The following SRR variants were observed in gnomAD, a reference collection of about 807,000 sequenced individuals.
The protein encoded by SRR is serine racemase.
SRR carries 19 observed loss-of-function variants against 32.7 expected under a neutral mutation model. That is an observed-to-expected ratio of 0.58 (90% CI 0.40 to 0.85). The LOEUF is 0.85. SRR is among the 40% of genes least tolerant of loss of function. The pLI, the probability that SRR is intolerant of heterozygous loss-of-function variation, is 0.00. For synonymous variants in SRR, 142 were observed against 140.9 expected (o/e 1.01, Z -0.06); for missense variants, 373 against 404.7 (o/e 0.92, Z 0.67).
intron 1 of SRR, among the ~76,000 whole-genome samples, chr17:2,310,295 G>A (rs1429423046): frequency 6.6e-6 from 1 of 152,102 alleles, no homozygotes; most frequent in Non-Finnish European, 1.5e-5. Context: ...GTAGATCATA[G>A]GATGATTCTA....
At chr17:2,308,878 G>T (rs1386929403) in intron 1 of SRR, among the ~76,000 whole-genome samples, 2 of 152,044 alleles carry the variant, frequency 1.3e-5, no homozygotes, top group Non-Finnish European at 2.9e-5. Flanking sequence ...CAGCACTTTG[G>T]GAGGCTGAGG....
At position 2,318,892 on chromosome 17, in the gene SRR, A is replaced by G. The variant is rs1442144334; in HGVS notation, c.362A>G (p.Tyr121Cys). Residue 121 changes from tyrosine to cysteine, a missense_variant, in exon 4 of 8, where the codon TAC becomes TGC. Tyr to Cys is a radical substitution (Grantham distance 194). Transcript: ENST00000344595. ...PDCKKLAIQA[Y>C]GASIVYCEPS... The stretch of plus-strand genomic sequence containing the variant: ...TGTAAAAAACTTGCAATACAAGCCT[A>G]CGGAGCGTCAATTGTATACTGTGAA... The G allele has an allele frequency of 6.2e-7, 1 of 1,613,882 alleles. No individual in the cohort carries two copies. Among genetic ancestry groups the G allele is most frequent in the South Asian group, 1.1e-5 (1 of 91,086 alleles).
chr17:2,324,969 C>G lies in SRR; in HGVS notation c.*1096C>G. 1.1e-6 allele frequency: 1 copy of G among 929,620 alleles called. No individual in the cohort carries two copies. Among genetic ancestry groups the G allele is most frequent in the East Asian group, 2.6e-5 (1 of 37,766 alleles). 57.6% of individuals were successfully genotyped at this position (929,620 alleles called of 1,614,324 possible). A position where few individuals can be genotyped will look rare whatever the true frequency, so the allele number is the denominator to read the frequency against. The stretch of plus-strand genomic sequence containing the variant: ...CCAATCTGAGGCTAAGATTGGTAAA[C>G]TGTAAGCCCACACTTAACCTTGTCA... On this transcript the variant is annotated 3_prime_UTR_variant, in exon 8 of 8. Transcript: ENST00000344595.
chr17:2,321,305 G>T lies in SRR; in HGVS notation c.400-1G>T. On this transcript the variant is annotated splice_acceptor_variant, in intron 4 of 7. Coordinates refer to ENST00000344595, the MANE Select transcript of SRR (RefSeq NM_021947.3). LOFTEE classifies it high-confidence loss of function. The stretch of plus-strand genomic sequence containing the variant: ...ATTAAGCTAAATTAATGTACTTTCA[G>T]TCCAGAGAAAATGTTGCAAAAAGAG... The T allele has an allele frequency of 6.2e-7, 1 of 1,613,518 alleles. No individual in the cohort carries two copies. The highest frequency in any genetic ancestry group is 8.5e-7 in the Non-Finnish European group (1 of 1,179,890).
chr17:2,307,422 T>C (rs577872755), intron 1 of SRR: 80 of 1,273,596 alleles, frequency 6.3e-5, no homozygotes, highest in South Asian at 2.3e-4. Context: ...GTGAAGGAAA[T>C]TTCAGTGGTC....
intron 6 of SRR, among the ~76,000 whole-genome samples, chr17:2,322,047 T>C (rs924331245): frequency 6.6e-6 from 1 of 152,084 alleles, no homozygotes; most frequent in Non-Finnish European, 1.5e-5. Context: ...TCCCAAAGTG[T>C]TGGGATTACA....
At chr17:2,303,444 G>T, upstream of SRR, 13 of 1,303,888 alleles carry the variant, frequency 1.0e-5, no homozygotes, top group Non-Finnish European at 1.2e-5. Context: ...GCCAGGACTG[G>T]CCGAGCCCGA....
chr17:2,309,359 A>G (rs988021299), intron 1 of SRR, among the ~76,000 whole-genome samples: 44 of 152,272 alleles, frequency 2.9e-4, no homozygotes, highest in African/African-American at 1.0e-3. Context: ...TCATCTCCCC[A>G]GCATTCTCCC....
rs181707541 is a variant in SRR, at chr17:2,307,318, G to A, written c.-5+3301G>A. ...GAAAGGCCTGTCAAAGCAAGAGATG[G>A]TGAGTGCTTCATCCAGCCAAAGAGG... On this transcript the variant is annotated intron_variant, in intron 1 of 7. Coordinates refer to ENST00000344595, the MANE Select transcript of SRR (RefSeq NM_021947.3). The A allele has an allele frequency of 4.0e-5, 42 of 1,061,296 alleles. No homozygotes were observed. The East Asian group carries it at 8.0e-4, about 20-fold the overall frequency. 65.7% of individuals were successfully genotyped at this position (1,061,296 alleles called of 1,614,324 possible). A position where few individuals can be genotyped will look rare whatever the true frequency, so the allele number is the denominator to read the frequency against.
Position 2,315,606 on chromosome 17 carries a change from C to A in SRR, c.46C>A (p.His16Asn), listed in dbSNP as rs1555581243. 8 of 1,614,032 alleles carry A rather than the reference C, an allele frequency of 5.0e-6. No homozygotes were observed. The highest frequency in any genetic ancestry group is 6.8e-6 in the Non-Finnish European group (8 of 1,179,972). The change falls in exon 2 of 8, where the codon CAT becomes AAT. Residue 16 changes from histidine (H) to asparagine (N), a missense_variant. By Grantham distance (68) the His-to-Asn change is moderately conservative (BLOSUM62 1). Transcript: ENST00000344595. ...CTCCTTTGCTGATGTTGAAAAAGCTCATATCAACATTCGAGATTCTATCCA... is the reference window on the plus strand; with the variant it reads ...CTCCTTTGCTGATGTTGAAAAAGCTAATATCAACATTCGAGATTCTATCCA... ...CISFADVEKA[H>N]INIRDSIHLT...
chr17:2,307,288 A>T (rs556043774), intron 1 of SRR: 1 of 1,126,594 alleles, frequency 8.9e-7, no homozygotes, highest in African/African-American at 1.5e-5. Context: ...CAACTGTGAA[A>T]TTAGGAAAGG....
At chr17:2,303,507 A>G (rs950054726), upstream of SRR, 41 of 1,328,880 alleles carry the variant, frequency 3.1e-5, no homozygotes, top group Admixed American at 1.6e-3. Flanking sequence ...CCGCGGCCCC[A>G]GCGCCTACTG....
upstream of SRR, chr17:2,303,380 C>T (rs1192229714): frequency 8.1e-7 from 1 of 1,235,652 alleles, no homozygotes; most frequent in Non-Finnish European, 1.0e-6. Context: ...CAGTCACCTT[C>T]GCGGCGAGAA....
rs1005322410 is a variant in SRR at position 2,315,236 on chromosome 17, G to A, written c.-4-321G>A. ...AGCCTGGGCTACAGAGCGAGACTCC[G>A]TCTCAAAAAAAAAAAAAAAAAAAGG... On this transcript the variant is annotated intron_variant, in intron 1 of 7. Coordinates refer to ENST00000344595, the MANE Select transcript of SRR (RefSeq NM_021947.3). 8.6e-5 allele frequency: 13 copies of A among 151,960 alleles called. No individual in the cohort carries two copies. The South Asian group carries it at 1.1e-3, about 13-fold the overall frequency. The allele number at this position is 151,960 out of a possible 1,614,324, so 9.4% of individuals were successfully genotyped here. A position where few individuals can be genotyped will look rare whatever the true frequency, so the allele number is the denominator to read the frequency against.
intron 3 of SRR, among the ~76,000 whole-genome samples, chr17:2,318,619 ATTTT>A (rs35847724): frequency 0.033 from 3,032 of 92,692 alleles, 17 homozygotes; most frequent in Non-Finnish European, 0.041. Context: ...ATGCCTGGCT[ATTTT>A]TTTTTTTTTT....
chr17:2,320,348 T>G (rs562600355), intron 4 of SRR, among the ~76,000 whole-genome samples: 1 of 139,750 alleles, frequency 7.2e-6, no homozygotes, highest in Admixed American at 7.6e-5. Flanking sequence ...CTCCGCCTCC[T>G]GGGTTCAAGC....
Position 2,315,560 on chromosome 17 carries a change from C to G in SRR, c.-1C>G, listed in dbSNP as rs781498865. On this transcript the variant is annotated 5_prime_UTR_variant, in exon 2 of 8. Transcript: ENST00000344595. ...CTTTCTTATTCCTGGGTTTCAGAAC[C>G]ATGTGTGCTCAGTATTGCATCTCCT... is the stretch of plus-strand genomic sequence containing the variant. The G allele has an allele frequency of 3.1e-6, 5 of 1,609,292 alleles. No individual in the cohort carries two copies. The Admixed American group carries it at 8.5e-5, about 27-fold the overall frequency.
intron 1 of SRR, among the ~76,000 whole-genome samples, chr17:2,312,686 T>C (rs1378058364): frequency 1.3e-5 from 2 of 152,216 alleles, no homozygotes; most frequent in Admixed American, 6.5e-5. Context: ...TCAAAACTGT[T>C]GTTGGGAGTA....
chr17:2,318,441 C>T (rs2075495927), intron 3 of SRR, among the ~76,000 whole-genome samples: 1 of 151,482 alleles, frequency 6.6e-6, no homozygotes, highest in Admixed American at 6.6e-5. Context: ...TGAGCCACCA[C>T]ACCTGGCTGA....
Sources: allele counts gnomAD v4.1 joint callset (sites outside exome capture counted in the v4.1 genomes callset), GRCh38; gene constraint gnomAD v4.1.1; transcripts MANE v1.5; gene names NCBI Gene and HGNC (gene_info 2026-07-23, HGNC 2026-07-21).